Variants in SORCS3 observed in about 807,000 individuals in gnomAD.
SORCS3 encodes the protein VPS10 domain-containing receptor SorCS3.
Under a neutral mutation model 146.3 loss-of-function variants are expected in SORCS3, and 57 were observed. The observed-to-expected ratio is 0.39, with a 90% CI of 0.31 to 0.49. The LOEUF is 0.49. Among genes scored for constraint, SORCS3 ranks in the 20% least tolerant of loss-of-function variants. The pLI, the probability that SORCS3 is intolerant of heterozygous loss-of-function variation, is 0.92. For synonymous variants in SORCS3, 653 were observed against 618.5 expected, an observed-to-expected ratio of 1.06 and a Z score of -0.83; for missense variants, 1,341 against 1,575.5, an observed-to-expected ratio of 0.85 and a Z score of 2.52.
At chr10:104,686,574 C>G (rs1205318750) in intron 1 of SORCS3, among the ~76,000 whole-genome samples, 1 of 152,118 alleles carries the variant, frequency 6.6e-6, no homozygotes, top group African/African-American at 2.4e-5. Context: ...ACTCAGGAAC[C>G]CTGGGGGAGA....
chr10:104,805,252 G>T (rs1171475452), intron 1 of SORCS3, among the ~76,000 whole-genome samples: 3 of 152,192 alleles, frequency 2.0e-5, no homozygotes, highest in African/African-American at 7.2e-5. Flanking sequence ...AGAACACAGA[G>T]GATGGGAGTA....
At chr10:105,175,117 G>A (rs1262776103) in intron 13 of SORCS3, among the ~76,000 whole-genome samples, 1 of 152,042 alleles carries the variant, frequency 6.6e-6, no homozygotes, top group East Asian at 1.9e-4. Flanking sequence ...GCACAATCTC[G>A]GCTCGCTGCA....
intron 4 of SORCS3, among the ~76,000 whole-genome samples, chr10:105,025,721 G>A (rs1015192150): frequency 1.3e-5 from 2 of 151,856 alleles, no homozygotes; most frequent in African/African-American, 2.4e-5. Flanking sequence ...CCTCCAGGGC[G>A]GTTGTGTTTT....
At chr10:104,725,998 G>A (rs1006501068) in intron 1 of SORCS3, among the ~76,000 whole-genome samples, 6 of 152,314 alleles carry the variant, frequency 3.9e-5, no homozygotes, top group Non-Finnish European at 5.9e-5. Context: ...CCCACTGTCC[G>A]ACACTCCCCA....
chr10:105,119,933 A>G (rs2055919868), intron 7 of SORCS3, among the ~76,000 whole-genome samples: 3 of 152,296 alleles, frequency 2.0e-5, no homozygotes, highest in South Asian at 4.1e-4. Flanking sequence ...ACTTTGGGGA[A>G]CTTTTGGAAA....
intron 22 of SORCS3, among the ~76,000 whole-genome samples, chr10:105,249,953 C>T (rs1371495022): frequency 6.6e-6 from 1 of 152,078 alleles, no homozygotes; most frequent in Non-Finnish European, 1.5e-5. Context: ...CTGTGTTAGT[C>T]TGTTTGGGCT....
intron 3 of SORCS3, among the ~76,000 whole-genome samples, chr10:104,933,868 C>A (rs2019234320): frequency 6.6e-6 from 1 of 152,164 alleles, no homozygotes; most frequent in Admixed American, 6.5e-5. Context: ...AATCTTGGCT[C>A]ACTGCAACCT....
chr10:105,064,387 TGATA>T (rs1324591326), intron 5 of SORCS3, among the ~76,000 whole-genome samples: 2 of 152,082 alleles, frequency 1.3e-5, no homozygotes, highest in African/African-American at 4.8e-5. Context: ...GATGGATGAT[TGATA>T]GATAGATATA....
At chr10:105,061,435 C>G (rs936049492) in intron 5 of SORCS3, among the ~76,000 whole-genome samples, 3 of 151,706 alleles carry the variant, frequency 2.0e-5, no homozygotes, top group African/African-American at 7.3e-5. Flanking sequence ...GCTGAGACTA[C>G]AGGCGCCTGC....
rs116010429 is a variant in SORCS3, at chr10:104,852,965, C to T, written c.695+10106C>T. Among the ~76,000 whole-genome samples the T allele has an allele frequency of 5.8e-3, 878 of 152,186 alleles. 15 individuals are homozygous for T. The highest frequency in any genetic ancestry group is 0.019 in the African/African-American group (808 of 41,524). ...ATAAGCCTTATGAGGGTCAGTTGGC[C>T]GTCAGGAATCTAGGTTCTGGTGGGG... is the stretch of plus-strand genomic sequence containing the variant. On this transcript the variant is annotated intron_variant, in intron 2 of 26. Transcript: ENST00000369701.
intron 20 of SORCS3, among the ~76,000 whole-genome samples, chr10:105,241,816 A>C (rs539497381): frequency 6.6e-6 from 1 of 152,258 alleles, no homozygotes; most frequent in African/African-American, 2.4e-5. Context: ...TTGTGTGCTG[A>C]CTGGTTTGTG....
At chr10:104,990,302 C>T (rs1338849692) in intron 4 of SORCS3, among the ~76,000 whole-genome samples, 2 of 152,228 alleles carry the variant, frequency 1.3e-5, no homozygotes, top group South Asian at 2.1e-4. Context: ...TGGCCAGCTT[C>T]GTAGCACCAC....
chr10:105,218,969 C>T (rs2119660223), intron 19 of SORCS3, among the ~76,000 whole-genome samples: 1 of 152,230 alleles, frequency 6.6e-6, no homozygotes, highest in South Asian at 2.1e-4. Context: ...GAGCCAAAAT[C>T]ACGCCACTGT....
chr10:105,050,127 C>T (rs1254149385), intron 5 of SORCS3, among the ~76,000 whole-genome samples: 2 of 151,986 alleles, frequency 1.3e-5, no homozygotes, highest in Admixed American at 1.3e-4. Context: ...TATATTCCCA[C>T]CTGTAACATA....
intron 3 of SORCS3, among the ~76,000 whole-genome samples, chr10:104,930,578 A>G (rs921779381): frequency 4.6e-5 from 7 of 152,222 alleles, no homozygotes; most frequent in South Asian, 2.1e-4. Flanking sequence ...GACAAACAAT[A>G]CACCGGGGTT....
intron 3 of SORCS3, among the ~76,000 whole-genome samples, chr10:104,942,449 G>A (rs2019329951): frequency 6.6e-6 from 1 of 152,190 alleles, no homozygotes; most frequent in Non-Finnish European, 1.5e-5. Context: ...AGCTCATTGT[G>A]AGGGCAGCAT....
At chr10:104,727,751 G>T (rs2016655577) in intron 1 of SORCS3, among the ~76,000 whole-genome samples, 2 of 152,132 alleles carry the variant, frequency 1.3e-5, no homozygotes, top group South Asian at 4.2e-4. Context: ...CGGTGTGCAA[G>T]AGAGCATTAC....
At chr10:104,969,274 G>A (rs950944588) in intron 3 of SORCS3, among the ~76,000 whole-genome samples, 2 of 151,456 alleles carry the variant, frequency 1.3e-5, no homozygotes, top group African/African-American at 4.9e-5. Flanking sequence ...CATTTTGGGC[G>A]GGTTTCTCAG....
chr10:105,163,883 T>TAAACACACACACACACACAC (rs2056288991), intron 11 of SORCS3, among the ~76,000 whole-genome samples: 1 of 138,598 alleles, frequency 7.2e-6, no homozygotes, highest in Non-Finnish European at 1.6e-5. Flanking sequence ...GTTACGCACA[T>TAAACACACACACACACACAC]ACACACACAC....
Sources: gnomAD v4.1 joint callset for allele counts (sites outside exome capture counted in the v4.1 genomes callset) on GRCh38, gnomAD v4.1.1 for gene constraint, MANE v1.5 for transcripts, NCBI Gene and HGNC (gene_info 2026-07-23, HGNC 2026-07-21) for gene names.